The following TNR variants were observed in gnomAD, a reference collection of about 807,000 sequenced individuals.
The protein encoded by TNR is tenascin-R.
Under a neutral mutation model 150.4 loss-of-function variants are expected in TNR, and 45 were observed. That is an observed-to-expected ratio of 0.30 (90% CI 0.24 to 0.38). TNR has a LOEUF of 0.38. Among genes scored for constraint, TNR ranks in the 10% least tolerant of loss-of-function variants. TNR has a pLI of 1.00. For synonymous variants in TNR, 687 were observed against 678.4 expected (o/e 1.01, Z -0.20); for missense variants, 1,544 against 1,759.1 (o/e 0.88, Z 2.19).
intron 2 of TNR, among the ~76,000 whole-genome samples, chr1:175,418,275 A>C (rs1211800673): frequency 2.0e-5 from 3 of 152,166 alleles, no homozygotes; most frequent in Non-Finnish European, 4.4e-5. Flanking sequence ...GGACATGAGA[A>C]GTACCATACC....
At chr1:175,625,906 C>T (rs953628138) in intron 1 of TNR, among the ~76,000 whole-genome samples, 1 of 152,128 alleles carries the variant, frequency 6.6e-6, no homozygotes, top group African/African-American at 2.4e-5. Context: ...TGGCTCTGAC[C>T]CCACCCAAAT....
chr1:175,675,598 G>A lies in TNR; in HGVS notation c.-165+67628C>T, dbSNP rs558082861. ...GGTGTACACACAGATGGAGTTACCA[G>A]CAGAGTAATGCACATGGGGCATATC... On this transcript the variant is annotated intron_variant, in intron 1 of 22. Transcript: ENST00000367674. 4.6e-5 allele frequency among the ~76,000 whole-genome samples: 7 copies of A among 152,336 alleles called. No homozygotes were observed. In the South Asian group the frequency reaches 1.4e-3, roughly 32 times the overall value.
At chr1:175,518,766 T>C (rs917353602) in intron 2 of TNR, among the ~76,000 whole-genome samples, 3 of 152,202 alleles carry the variant, frequency 2.0e-5, no homozygotes, top group African/African-American at 4.8e-5. Context: ...TTACCTCCCT[T>C]ATCGCCCCCT....
In TNR at chr1:175,431,247, A is replaced by C. The variant is rs185315295; in HGVS notation, c.-63-24470T>G. On this transcript the variant is annotated intron_variant, in intron 2 of 22. Transcript: ENST00000367674. ...TCCGAACCTGAATCCTTTCCTTGGAAGTTTTAAAATATAAATTTGTTATGA... is the reference window on the plus strand; with the variant it reads ...TCCGAACCTGAATCCTTTCCTTGGACGTTTTAAAATATAAATTTGTTATGA... Among the ~76,000 whole-genome samples the C allele has an allele frequency of 1.3e-3, 191 of 152,374 alleles. 4 individuals carry two copies. The highest frequency in any genetic ancestry group is 7.8e-3 in the Admixed American group (120 of 15,306).
chr1:175,502,634 T>A (rs1658784985), intron 2 of TNR, among the ~76,000 whole-genome samples: 1 of 152,106 alleles, frequency 6.6e-6, no homozygotes, highest in African/African-American at 2.4e-5. Flanking sequence ...CCAGTAAACC[T>A]CTTGCATGCA....
At chr1:175,418,048 T>C (rs1448758567) in intron 2 of TNR, among the ~76,000 whole-genome samples, 1 of 152,204 alleles carries the variant, frequency 6.6e-6, no homozygotes, top group Non-Finnish European at 1.5e-5. Flanking sequence ...TTCTAGTGCA[T>C]GAAATAACAT....
chr1:175,486,127 T>C (rs2102133517), intron 2 of TNR, among the ~76,000 whole-genome samples: 1 of 152,278 alleles, frequency 6.6e-6, no homozygotes, highest in Admixed American at 6.5e-5. Context: ...GGTTCTTTTT[T>C]TTTTTTTTAG....
At chr1:175,645,969 T>C (rs16848908) in intron 1 of TNR, among the ~76,000 whole-genome samples, 4,963 of 152,324 alleles carry the variant, frequency 0.033, 180 homozygotes, top group African/African-American at 0.085. Context: ...ATAATTTTTC[T>C]TGCCTGGACT....
At chr1:175,716,881 T>C (rs991148875) in intron 1 of TNR, among the ~76,000 whole-genome samples, 16 of 152,154 alleles carry the variant, frequency 1.1e-4, no homozygotes, top group African/African-American at 3.9e-4. Context: ...CTGTCACCCT[T>C]CCTTCTGCCT....
At chr1:175,479,478 T>C (rs1366429673) in intron 2 of TNR, among the ~76,000 whole-genome samples, 1 of 152,114 alleles carries the variant, frequency 6.6e-6, no homozygotes, top group East Asian at 1.9e-4. Context: ...GACTTCACCT[T>C]GTTCTCCTCC....
At position 175,359,816 on chromosome 1, in the gene TNR, G is replaced by T. The variant is rs1651511005; in HGVS notation, c.2855-85C>A. The T allele has an allele frequency of 8.7e-6, 13 of 1,493,186 alleles. No individual in the cohort carries two copies. In the South Asian group the frequency reaches 1.6e-4, roughly 18 times the overall value. 92.5% of individuals were successfully genotyped at this position (1,493,186 alleles called of 1,614,324 possible). On this transcript the variant is annotated intron_variant, in intron 14 of 22. Coordinates refer to ENST00000367674, the MANE Select transcript of TNR (RefSeq NM_003285.3). ...AATGATCTCAGAAGTTCCACTCATG[G>T]TGCAAGACTGCTGCTGCACTCTACA...
At chr1:175,562,471 G>A (rs1452674851) in intron 1 of TNR, among the ~76,000 whole-genome samples, 1 of 152,176 alleles carries the variant, frequency 6.6e-6, no homozygotes, top group Non-Finnish European at 1.5e-5. Context: ...GAAGGCAACT[G>A]GAATTCAATA....
intron 1 of TNR, chr1:175,538,984 C>T (rs1660397600): frequency 1.3e-5 from 2 of 152,226 alleles, no homozygotes; most frequent in Non-Finnish European, 2.9e-5. Context: ...GAAAACCATG[C>T]TTTCAACACT....
At chr1:175,668,827 G>A (rs1354482520) in intron 1 of TNR, among the ~76,000 whole-genome samples, 2 of 152,138 alleles carry the variant, frequency 1.3e-5, no homozygotes, top group Non-Finnish European at 2.9e-5. Context: ...TCACACAGAC[G>A]GCAAGAGATA....
At chr1:175,467,815 A>G (rs992364869) in intron 2 of TNR, among the ~76,000 whole-genome samples, 4 of 152,210 alleles carry the variant, frequency 2.6e-5, no homozygotes, top group Non-Finnish European at 4.4e-5. Flanking sequence ...AATAGCATTT[A>G]TTGAATTTTG....
intron 20 of TNR, among the ~76,000 whole-genome samples, chr1:175,334,952 G>A (rs1424238810): frequency 2.0e-5 from 3 of 152,162 alleles, no homozygotes; most frequent in Non-Finnish European, 4.4e-5. Context: ...CAGAGAGGCC[G>A]GTAAGAAGCT....
chr1:175,667,578 A>G (rs1445126190), intron 1 of TNR, among the ~76,000 whole-genome samples: 1 of 152,226 alleles, frequency 6.6e-6, no homozygotes, highest in Non-Finnish European at 1.5e-5. Flanking sequence ...ACAAGTAAAC[A>G]GGGAATTTCA....
chr1:175,693,038 A>G (rs1666417219), intron 1 of TNR, among the ~76,000 whole-genome samples: 1 of 152,242 alleles, frequency 6.6e-6, no homozygotes, highest in African/African-American at 2.4e-5. Flanking sequence ...AGACCTCTGC[A>G]CTTGTAAAGT....
At chr1:175,566,819 GT>G (rs761432642) in intron 1 of TNR, among the ~76,000 whole-genome samples, 1 of 152,072 alleles carries the variant, frequency 6.6e-6, no homozygotes, top group Non-Finnish European at 1.5e-5. Context: ...ATAAGTCTAC[GT>G]TTTTTTGTCC....
Sources: allele counts gnomAD v4.1 joint callset (sites outside exome capture counted in the v4.1 genomes callset), GRCh38; gene constraint gnomAD v4.1.1; transcripts MANE v1.5; gene names NCBI Gene and HGNC (gene_info 2026-07-23, HGNC 2026-07-21).